The following BPTF variants were observed in gnomAD, a reference collection of about 807,000 sequenced individuals.
BPTF encodes the protein bromodomain PHD finger transcription factor, also known as nucleosome-remodeling factor subunit BPTF.
BPTF carries 18 observed loss-of-function variants against 292.5 expected under a neutral mutation model. That is an observed-to-expected ratio of 0.06 (90% CI 0.04 to 0.09). The LOEUF (loss-of-function observed/expected upper bound fraction) is 0.09. BPTF is among the 10% of genes least tolerant of loss of function. The pLI is 1.00. For synonymous variants in BPTF, 1,225 were observed against 1,251.9 expected (o/e 0.98, Z 0.45); for missense variants, 2,726 against 3,498.7 (o/e 0.78, Z 5.57).
At chr17:67,887,710 A>G (rs1451642242) in intron 4 of BPTF, among the ~76,000 whole-genome samples, 1 of 152,236 alleles carries the variant, frequency 6.6e-6, no homozygotes, top group East Asian at 1.9e-4. Context: ...AGTCCGAGCC[A>G]TCATCAGGTA....
rs111396695 is a variant in BPTF at position 67,912,901 on chromosome 17, G to T, written c.5017G>T (p.Val1673Phe). Residue 1673 changes from valine to phenylalanine, a missense_variant, in exon 11 of 28, where the codon GTT becomes TTT. Transcript: ENST00000306378. Reference protein sequence around the residue: ...DSLTTTGGTLVTSMTVSKEYS... With the variant: ...DSLTTTGGTLFTSMTVSKEYS... ...CCTGACCACCACGGGAGGCACACTG[G>T]TTACATCTATGACTGTGAGCAAAGA... 1 of 1,614,050 alleles carries T rather than the reference G, an allele frequency of 6.2e-7. No individual in the cohort carries two copies. The highest frequency in any genetic ancestry group is 8.5e-7 in the Non-Finnish European group (1 of 1,180,036).
At position 67,854,992 on chromosome 17, in the gene BPTF, G is replaced by A. The variant is rs1455475726; in HGVS notation, c.1436+230G>A. On this transcript the variant is annotated intron_variant, in intron 2 of 27. Transcript: ENST00000306378. The surrounding 1 kb of genome is among the most constrained non-coding windows in gnomAD (Gnocchi z 5.6). Reference sequence around the variant, plus strand: ...AATTCCATTGTTTTTTGATGCCTAGGCTAGGAAATAGAATGTTTCTAGTTG... The same window carrying A: ...AATTCCATTGTTTTTTGATGCCTAGACTAGGAAATAGAATGTTTCTAGTTG... Among the ~76,000 whole-genome samples, 2 of 152,288 alleles carry A rather than the reference G, an allele frequency of 1.3e-5. No individual in the cohort carries two copies. The highest frequency in any genetic ancestry group is 1.5e-5 in the Non-Finnish European group (1 of 68,018).
chr17:67,971,665 A>G (rs1296853477), intron 26 of BPTF, among the ~76,000 whole-genome samples: 1 of 151,756 alleles, frequency 6.6e-6, no homozygotes, highest in Non-Finnish European at 1.5e-5. Context: ...TTAGTCGGGC[A>G]TGGTGGTGTG....
chr17:67,862,299 A>G (rs2059133088), intron 2 of BPTF, among the ~76,000 whole-genome samples: 1 of 152,170 alleles, frequency 6.6e-6, no homozygotes, highest in Non-Finnish European at 1.5e-5. Flanking sequence ...TAAGGTAAAT[A>G]TTATACACTT....
intron 1 of BPTF, among the ~76,000 whole-genome samples, chr17:67,848,825 G>A (rs1227695371): frequency 6.6e-6 from 1 of 152,166 alleles, no homozygotes; most frequent in Non-Finnish European, 1.5e-5. Flanking sequence ...CTCCGTCGAG[G>A]TAATAAGCTA....
At chr17:67,875,476 G>C in intron 4 of BPTF, 1 of 1,126,542 alleles carries the variant, frequency 8.9e-7, no homozygotes, top group Admixed American at 2.8e-5. Context: ...TGATTATTTA[G>C]TAGTTGACTG....
chr17:67,901,188 T>C (rs191747407), intron 7 of BPTF, among the ~76,000 whole-genome samples: 4 of 151,966 alleles, frequency 2.6e-5, no homozygotes, highest in Non-Finnish European at 5.9e-5. Flanking sequence ...AAAATAGACC[T>C]AAGCATGGGA....
At chr17:67,862,984 C>T (rs2059175536) in intron 2 of BPTF, among the ~76,000 whole-genome samples, 1 of 152,156 alleles carries the variant, frequency 6.6e-6, no homozygotes, top group Admixed American at 6.6e-5. Context: ...TCCAAAACCA[C>T]TTTCACATTT....
chr17:67,943,378 T>C (rs1388461014), intron 19 of BPTF, among the ~76,000 whole-genome samples: 1 of 152,186 alleles, frequency 6.6e-6, no homozygotes, highest in East Asian at 1.9e-4. Flanking sequence ...TGGTTTTTAC[T>C]TTTGCTTTCC....
intron 9 of BPTF, among the ~76,000 whole-genome samples, chr17:67,906,681 T>G (rs1386602223): frequency 6.6e-6 from 1 of 152,150 alleles, no homozygotes; most frequent in Non-Finnish European, 1.5e-5. Flanking sequence ...GCCAGACCTT[T>G]CTGGAAGAAA....
At chr17:67,833,668 A>G (rs1391351239) in intron 1 of BPTF, among the ~76,000 whole-genome samples, 12 of 151,376 alleles carry the variant, frequency 7.9e-5, no homozygotes, top group African/African-American at 2.9e-4. Flanking sequence ...TTCTGGGTTC[A>G]AGTGATTCTC....
intron 2 of BPTF, among the ~76,000 whole-genome samples, chr17:67,864,200 A>T (rs1257986328): frequency 1.3e-5 from 2 of 152,084 alleles, no homozygotes; most frequent in Non-Finnish European, 2.9e-5. Context: ...GATTATATAA[A>T]CTGTATATAG....
At chr17:67,862,402 T>C (rs1237661626) in intron 2 of BPTF, among the ~76,000 whole-genome samples, 1 of 152,232 alleles carries the variant, frequency 6.6e-6, no homozygotes, top group Non-Finnish European at 1.5e-5. Context: ...ATTAATTTAA[T>C]TCTAACAACA....
intron 3 of BPTF, among the ~76,000 whole-genome samples, chr17:67,871,919 A>C (rs9912084): frequency 0.3 from 46,273 of 151,888 alleles, 8,390 homozygotes; most frequent in East Asian, 0.66. Flanking sequence ...TCTGTCTCCT[A>C]GGTTCAAGCA....
At position 67,982,505 on chromosome 17, in the gene BPTF, C is replaced by G. The variant is rs1245246561; in HGVS notation, c.*217C>G. ...AACGACACCATTATCTTGTCAAGAT[C>G]AGATGGTTTTACTATTGTGGCAGAA... On this transcript the variant is annotated 3_prime_UTR_variant, in exon 28 of 28. Transcript: ENST00000306378. 2 of 425,984 alleles carry G rather than the reference C, an allele frequency of 4.7e-6. No individual in the cohort carries two copies. The highest frequency in any genetic ancestry group is 8.5e-6 in the Non-Finnish European group (2 of 235,048). The allele number at this position is 425,984 out of a possible 1,614,324, so 26.4% of individuals were successfully genotyped here.
rs1405556009 is a variant in BPTF, at chr17:67,825,641, C to A, written c.-84C>A. Reference sequence around the variant, plus strand: ...TCCCGCCCGGCCCCGCGGGCCTCCCCACCCGGCCCCGGCGCTCCCCACCGC... The same window carrying A: ...TCCCGCCCGGCCCCGCGGGCCTCCCAACCCGGCCCCGGCGCTCCCCACCGC... On this transcript the variant is annotated 5_prime_UTR_variant, in exon 1 of 28. Transcript: ENST00000306378. The A allele has an allele frequency of 1.0e-5, 3 of 288,574 alleles. No homozygotes were observed. The highest frequency in any genetic ancestry group is 4.7e-5 in the African/African-American group (2 of 42,796). The allele number at this position is 288,574 out of a possible 1,614,324, so 17.9% of individuals were successfully genotyped here. A position where few individuals can be genotyped will look rare whatever the true frequency, so the allele number is the denominator to read the frequency against.
intron 1 of BPTF, among the ~76,000 whole-genome samples, chr17:67,835,237 A>G (rs188486353): frequency 2.8e-4 from 42 of 152,150 alleles, no homozygotes; most frequent in Non-Finnish European, 5.0e-4. Context: ...AGTAAAATGA[A>G]AAGTTAGTTT....
chr17:67,888,153 A>G (rs922347338), intron 4 of BPTF, among the ~76,000 whole-genome samples: 2 of 152,248 alleles, frequency 1.3e-5, no homozygotes, highest in Non-Finnish European at 2.9e-5. Flanking sequence ...TCTCATACAT[A>G]CAATTCAAAA....
At chr17:67,919,887 T>C in intron 12 of BPTF, 128 bp from the exon 13 acceptor site, 1 of 798,448 alleles carries the variant, frequency 1.3e-6, no homozygotes, top group Non-Finnish European at 2.0e-6. Flanking sequence ...TTAGTGATCC[T>C]GTTAATTAAG....
Sources: gnomAD v4.1 joint callset for allele counts (sites outside exome capture counted in the v4.1 genomes callset) on GRCh38, gnomAD v4.1.1 for gene constraint, Gnocchi (gnomAD v3.1) non-coding constraint, MANE v1.5 for transcripts, NCBI Gene and HGNC (gene_info 2026-07-23, HGNC 2026-07-21) for gene names.